PAN3: variants seen among roughly 807,000 people sequenced by gnomAD.
PAN3 encodes PAN2-PAN3 deadenylation complex subunit PAN3.
PAN3 carries 19 observed loss-of-function variants against 96.2 expected under a neutral mutation model. That is an observed-to-expected ratio of 0.20 (90% CI 0.14 to 0.29). The LOEUF is 0.29. Among genes scored for constraint, PAN3 ranks in the 10% least tolerant of loss-of-function variants. The pLI is 1.00. For synonymous variants in PAN3, 433 were observed against 406.6 expected (o/e 1.06, Z -0.78); for missense variants, 882 against 1,108.1 (o/e 0.80, Z 2.90).
At chr13:28,230,164 G>GT (rs1882392038) in intron 6 of PAN3, among the ~76,000 whole-genome samples, 1 of 151,442 alleles carries the variant, frequency 6.6e-6, no homozygotes, top group African/African-American at 2.4e-5. Context: ...GCTGAGGCTA[G>GT]TATCACTTCA....
intron 14 of PAN3, among the ~76,000 whole-genome samples, chr13:28,276,827 G>A (rs918879583): frequency 6.6e-6 from 1 of 152,124 alleles, no homozygotes; most frequent in East Asian, 1.9e-4. Flanking sequence ...AGTGGTCATA[G>A]CAAAGCAAAT....
intron 1 of PAN3, among the ~76,000 whole-genome samples, chr13:28,159,922 AG>A (rs201745786): frequency 2.6e-5 from 4 of 151,772 alleles, no homozygotes; most frequent in African/African-American, 9.7e-5. Flanking sequence ...CTGAAATAAA[AG>A]GTTTTTTTTT....
At chr13:28,212,499 TA>T (rs1880166947) in intron 5 of PAN3, among the ~76,000 whole-genome samples, 1 of 151,992 alleles carries the variant, frequency 6.6e-6, no homozygotes, top group Non-Finnish European at 1.5e-5. Flanking sequence ...GTAAGACCCA[TA>T]AAGAAAAGAA....
chr13:28,274,941 CTGACTT>C (rs1478461658), intron 14 of PAN3, among the ~76,000 whole-genome samples: 1 of 152,020 alleles, frequency 6.6e-6, no homozygotes, highest in African/African-American at 2.4e-5. Flanking sequence ...TGAATAGAGA[CTGACTT>C]TGAGTAAAAT....
At chr13:28,291,260 A>G (rs9554307) in intron 18 of PAN3, among the ~76,000 whole-genome samples, 23,430 of 152,140 alleles carry the variant, frequency 0.15, 2,349 homozygotes, top group East Asian at 0.34. Context: ...GTATCAATTA[A>G]TGAAATAAAG....
At chr13:28,265,614 G>C (rs958017673) in intron 9 of PAN3, among the ~76,000 whole-genome samples, 1 of 152,202 alleles carries the variant, frequency 6.6e-6, no homozygotes, top group African/African-American at 2.4e-5. Flanking sequence ...CAAATGCAGA[G>C]GAAGGATCAT....
Position 28,271,968 on chromosome 13 carries a change from C to T in PAN3, c.1959-13C>T. On this transcript the variant is annotated splice_polypyrimidine_tract_variant and intron_variant, in intron 13 of 18. Coordinates refer to ENST00000380958, the MANE Select transcript of PAN3 (RefSeq NM_175854.8). ...ATTTTAATTATTTTCTTTAAATTAT[C>T]TGGTCCTTAAAGGTTGCGAGTAAAT... 1 of 1,484,424 alleles carries T rather than the reference C, an allele frequency of 6.7e-7. No individual in the cohort carries two copies. The highest frequency in any genetic ancestry group is 9.1e-7 in the Non-Finnish European group (1 of 1,097,976). The allele number at this position is 1,484,424 out of a possible 1,614,324, so 92.0% of individuals were successfully genotyped here. A position where few individuals can be genotyped will look rare whatever the true frequency, so the allele number is the denominator to read the frequency against.
At chr13:28,226,286 AAC>A (rs1167785467) in intron 6 of PAN3, among the ~76,000 whole-genome samples, 5 of 152,198 alleles carry the variant, frequency 3.3e-5, no homozygotes, top group Admixed American at 6.5e-5. Flanking sequence ...AGTTTTAATA[AAC>A]ATAACAGATT....
chr13:28,165,274 T>G (rs1406173094), intron 1 of PAN3, among the ~76,000 whole-genome samples: 1 of 150,860 alleles, frequency 6.6e-6, no homozygotes, highest in Non-Finnish European at 1.5e-5. Context: ...TGATTTATAC[T>G]TATATATCCT....
rs1300123990 is a variant in PAN3 at position 28,205,609 on chromosome 13, G to A, written c.852+8263G>A. Among the ~76,000 whole-genome samples the A allele has an allele frequency of 6.6e-5, 10 of 152,024 alleles. No homozygotes were observed. In the East Asian group the frequency reaches 1.5e-3, roughly 24 times the overall value. On this transcript the variant is annotated intron_variant, in intron 5 of 18. Transcript: ENST00000380958. ...TCCCAGCACTTTGGGAGGCTGAGGC[G>A]GGAGGATTCACTTGAGCCCAGGAGT...
At chr13:28,276,195 G>A (rs1329677262) in intron 14 of PAN3, among the ~76,000 whole-genome samples, 1 of 152,154 alleles carries the variant, frequency 6.6e-6, no homozygotes, top group Non-Finnish European at 1.5e-5. Context: ...GGCTACTGCT[G>A]ATTTTGGTTT....
chr13:28,259,181 G>A (rs980686430), intron 7 of PAN3, among the ~76,000 whole-genome samples: 2 of 151,278 alleles, frequency 1.3e-5, no homozygotes, highest in Non-Finnish European at 2.9e-5. Flanking sequence ...AGGCTGGAGT[G>A]CAGTGGCACG....
At chr13:28,274,678 C>A (rs1480249937) in intron 14 of PAN3, among the ~76,000 whole-genome samples, 1 of 152,008 alleles carries the variant, frequency 6.6e-6, no homozygotes, top group Admixed American at 6.6e-5. Flanking sequence ...TCAGGATATG[C>A]CTTCATTCAT....
At chr13:28,277,503 T>G (rs1478431384) in intron 15 of PAN3, 127 bp downstream of exon 15, 1 of 891,496 alleles carries the variant, frequency 1.1e-6, no homozygotes, top group Non-Finnish European at 1.7e-6. Flanking sequence ...TTTATGTCTT[T>G]ATTTTTATTG....
intron 1 of PAN3, among the ~76,000 whole-genome samples, chr13:28,166,828 AG>A (rs1873608528): frequency 6.6e-6 from 1 of 152,138 alleles, no homozygotes. Flanking sequence ...CTTGAGCCAC[AG>A]TGGGGGTAGT....
intron 1 of PAN3, among the ~76,000 whole-genome samples, chr13:28,144,211 G>GT (rs972669575): frequency 0.036 from 3,653 of 101,488 alleles, 86 homozygotes; most frequent in Non-Finnish European, 0.049. Flanking sequence ...AAGTTTTTTT[G>GT]TTTTTTTTTT....
At chr13:28,278,334 C>T (rs1887217059) in intron 15 of PAN3, among the ~76,000 whole-genome samples, 1 of 152,174 alleles carries the variant, frequency 6.6e-6, no homozygotes, top group South Asian at 2.1e-4. Flanking sequence ...GATTTATCTT[C>T]TGAATAAAAA....
At chr13:28,179,858 G>C (rs941608387) in intron 4 of PAN3, among the ~76,000 whole-genome samples, 1 of 152,016 alleles carries the variant, frequency 6.6e-6, no homozygotes, top group Non-Finnish European at 1.5e-5. Flanking sequence ...TAGAGCTCCT[G>C]ACATTTACTT....
chr13:28,202,711 T>C (rs1878886634), intron 5 of PAN3, among the ~76,000 whole-genome samples: 2 of 152,086 alleles, frequency 1.3e-5, no homozygotes, highest in Non-Finnish European at 2.9e-5. Context: ...ATTCCTAGTG[T>C]ATTTGGTGTT....
Sources: allele counts gnomAD v4.1 joint callset (sites outside exome capture counted in the v4.1 genomes callset), GRCh38; gene constraint gnomAD v4.1.1; transcripts MANE v1.5; gene names NCBI Gene and HGNC (gene_info 2026-07-23, HGNC 2026-07-21).